Variants in RNF185 observed in about 807,000 individuals in gnomAD.
RNF185 encodes the protein E3 ubiquitin-protein ligase RNF185.
A neutral mutation model predicts 24.9 loss-of-function variants in RNF185; 13 were observed. That is an observed-to-expected ratio of 0.52 (90% confidence interval 0.34 to 0.83). The LOEUF is 0.83. Among genes scored for constraint, RNF185 ranks in the 40% least tolerant of loss-of-function variants. RNF185 has a pLI of 0.01. For missense variants in RNF185, 184 were observed against 244.7 expected, an observed-to-expected ratio of 0.75 and a Z score of 1.65; for synonymous variants, 79 against 90.3, an observed-to-expected ratio of 0.88 and a Z score of 0.71.
At chr22:31,179,243 G>T (rs2072298384) in intron 1 of RNF185, among the ~76,000 whole-genome samples, 3 of 152,096 alleles carry the variant, frequency 2.0e-5, no homozygotes, top group Admixed American at 2.0e-4. Flanking sequence ...TTCTCTTTCT[G>T]CCTAGTTCCT....
chr22:31,203,230 C>A (rs1213572355), intron 6 of RNF185, among the ~76,000 whole-genome samples: 1 of 151,530 alleles, frequency 6.6e-6, no homozygotes, highest in Non-Finnish European at 1.5e-5. Context: ...TTCTTTTATC[C>A]TCCTTCCCCC....
intron 4 of RNF185, among the ~76,000 whole-genome samples, chr22:31,196,088 C>T (rs899589360): frequency 8.5e-5 from 13 of 152,254 alleles, no homozygotes; most frequent in African/African-American, 2.7e-4. Context: ...GCTGTGTACC[C>T]GACATATTAG....
chr22:31,163,205 G>A (rs879883698), intron 1 of RNF185, among the ~76,000 whole-genome samples: 1 of 152,080 alleles, frequency 6.6e-6, no homozygotes, highest in Non-Finnish European at 1.5e-5. Context: ...TTGTCTTTGG[G>A]TGCTTTAATG....
chr22:31,173,991 G>T (rs935409010), intron 1 of RNF185, among the ~76,000 whole-genome samples: 4 of 152,164 alleles, frequency 2.6e-5, no homozygotes, highest in Non-Finnish European at 5.9e-5. Flanking sequence ...TGTCTATGAG[G>T]AATATACAAA....
chr22:31,179,752 T>C (rs1435629935), intron 1 of RNF185, among the ~76,000 whole-genome samples: 1 of 152,206 alleles, frequency 6.6e-6, no homozygotes, highest in Non-Finnish European at 1.5e-5. Context: ...ACACCTACCT[T>C]GATCCTGGTT....
At chr22:31,201,676 C>T in intron 6 of RNF185, 61 bp downstream of exon 6, 2 of 1,193,008 alleles carry the variant, frequency 1.7e-6, no homozygotes, top group East Asian at 4.7e-5. Context: ...TTGAAAGCTC[C>T]TTGGAATTCA....
intron 5 of RNF185, among the ~76,000 whole-genome samples, chr22:31,199,967 G>C (rs1335580455): frequency 6.6e-6 from 1 of 152,218 alleles, no homozygotes; most frequent in Non-Finnish European, 1.5e-5. Context: ...CCAATAGTCT[G>C]TCTGCTTTTT....
intron 1 of RNF185, among the ~76,000 whole-genome samples, chr22:31,171,442 A>G (rs1239625436): frequency 6.6e-6 from 1 of 151,772 alleles, no homozygotes; most frequent in East Asian, 1.9e-4. Context: ...TGGCCTCCCA[A>G]AGTGCTGGGA....
chr22:31,173,630 C>T (rs999640157), intron 1 of RNF185, among the ~76,000 whole-genome samples: 2 of 152,148 alleles, frequency 1.3e-5, no homozygotes, highest in African/African-American at 4.8e-5. Flanking sequence ...GACCTAACTA[C>T]TCTGAGCCTT....
intron 2 of RNF185, among the ~76,000 whole-genome samples, chr22:31,192,253 G>C (rs1309166692): frequency 6.6e-6 from 1 of 152,176 alleles, no homozygotes; most frequent in East Asian, 1.9e-4. Flanking sequence ...CTGAAATTGA[G>C]TGTAAAATAG....
chr22:31,188,363 T>A (rs1309991187), intron 2 of RNF185, among the ~76,000 whole-genome samples: 1 of 152,168 alleles, frequency 6.6e-6, no homozygotes, highest in African/African-American at 2.4e-5. Flanking sequence ...CTAATTACCA[T>A]CTTGTGTAAA....
intron 5 of RNF185, among the ~76,000 whole-genome samples, chr22:31,197,764 G>T (rs547460142): frequency 6.6e-5 from 10 of 151,918 alleles, no homozygotes; most frequent in Admixed American, 3.3e-4. Flanking sequence ...TTTTGTTTGG[G>T]TAGAAACAAG....
chr22:31,195,399 C>A, intron 3 of RNF185, 70 bp from the exon 4 acceptor site: 1 of 1,027,474 alleles, frequency 9.7e-7, no homozygotes, highest in South Asian at 1.5e-5. Context: ...CTGTGTTGTT[C>A]TGGTGGCTCT....
At chr22:31,190,489 G>T (rs2048145770) in intron 2 of RNF185, among the ~76,000 whole-genome samples, 2 of 152,156 alleles carry the variant, frequency 1.3e-5, no homozygotes, top group South Asian at 4.1e-4. Flanking sequence ...GTTTTACCAT[G>T]TTGGCCAGGC....
chr22:31,186,630 A>G (rs2048101509), intron 1 of RNF185, among the ~76,000 whole-genome samples: 1 of 152,204 alleles, frequency 6.6e-6, no homozygotes, highest in Non-Finnish European at 1.5e-5. Context: ...GTTCTGGCAT[A>G]TGACAATCAC....
chr22:31,187,031 G>C lies in RNF185; in HGVS notation c.-48-16G>C. On this transcript the variant is annotated splice_polypyrimidine_tract_variant and intron_variant, in intron 1 of 6. Coordinates refer to ENST00000326132, the MANE Select transcript of RNF185 (RefSeq NM_152267.4). ...GGGCTGCAGAAATGGACAGTCAAGA[G>C]TTCTCTGCCTTTTAGGATTTCCCTG... 2.0e-6 allele frequency: 3 copies of C among 1,533,030 alleles called. No homozygotes were observed. The highest frequency in any genetic ancestry group is 2.6e-6 in the Non-Finnish European group (3 of 1,134,908). 95.0% of individuals were successfully genotyped at this position (1,533,030 alleles called of 1,614,324 possible). A position where few individuals can be genotyped will look rare whatever the true frequency, so the allele number is the denominator to read the frequency against.
At chr22:31,200,826 T>C (rs1344325623) in intron 5 of RNF185, among the ~76,000 whole-genome samples, 1 of 152,214 alleles carries the variant, frequency 6.6e-6, no homozygotes, top group East Asian at 1.9e-4. Context: ...AACATTATAG[T>C]GTTTTAAAAT....
chr22:31,181,968 C>G (rs1044786628), intron 1 of RNF185, among the ~76,000 whole-genome samples: 1 of 151,182 alleles, frequency 6.6e-6, no homozygotes, highest in African/African-American at 2.4e-5. Context: ...CAAACCTGCA[C>G]GTTGTGCACA....
At chr22:31,174,668 A>G (rs1159969068) in intron 1 of RNF185, among the ~76,000 whole-genome samples, 3 of 152,064 alleles carry the variant, frequency 2.0e-5, no homozygotes, top group African/African-American at 4.8e-5. Flanking sequence ...GTGAGCCACC[A>G]TTCTTGTCCT....
Sources: gnomAD v4.1 joint callset for allele counts (sites outside exome capture counted in the v4.1 genomes callset) on GRCh38, gnomAD v4.1.1 for gene constraint, MANE v1.5 for transcripts, NCBI Gene and HGNC (gene_info 2026-07-23, HGNC 2026-07-21) for gene names.